The following CUX1 variants were observed in gnomAD, a reference collection of about 807,000 sequenced individuals.
CUX1 encodes the protein cut like homeobox 1.
Under a neutral mutation model 158.8 loss-of-function variants are expected in CUX1, and 31 were observed. The observed-to-expected ratio is 0.20, with a 90% CI of 0.15 to 0.26. The LOEUF (loss-of-function observed/expected upper bound fraction) is 0.26. CUX1 is among the 10% of genes least tolerant of loss of function. CUX1 has a pLI of 1.00. For synonymous variants in CUX1, 879 were observed against 862.1 expected (o/e 1.02, Z -0.34); for missense variants, 1,589 against 2,014.6 (o/e 0.79, Z 4.04).
chr7:102,123,477 C>T (rs1177382875), intron 8 of CUX1, among the ~76,000 whole-genome samples: 9 of 151,066 alleles, frequency 6.0e-5, no homozygotes, highest in African/African-American at 1.5e-4. Flanking sequence ...GGCGTGGTGG[C>T]GGGTGCCTAT....
chr7:101,974,784 T>C (rs527406842), intron 2 of CUX1, among the ~76,000 whole-genome samples: 2 of 152,268 alleles, frequency 1.3e-5, no homozygotes, highest in South Asian at 4.1e-4. Context: ...GTAGGAATTA[T>C]TTGTGCGTTG....
intron 8 of CUX1, among the ~76,000 whole-genome samples, chr7:102,138,440 C>T (rs748306453): frequency 1.3e-5 from 2 of 152,136 alleles, no homozygotes; most frequent in Non-Finnish European, 2.9e-5. Context: ...CTAATTGACC[C>T]TCTGAATGTC....
rs1416223025 is a variant in CUX1 at position 102,254,204 on chromosome 7, C to T, written c.*5162C>T. ...CAGGCAGGGCGTGGTCTCGGGGCTC[C>T]GAGGGTCTTGTCTTTGGTCCGCCTT... On this transcript the variant is annotated 3_prime_UTR_variant, in exon 24 of 24. Transcript: ENST00000292535. 8 of 985,506 alleles carry T rather than the reference C, an allele frequency of 8.1e-6. No homozygotes were observed. The highest frequency in any genetic ancestry group is 1.1e-4 in the East Asian group (1 of 8,826). 61.0% of individuals were successfully genotyped at this position (985,506 alleles called of 1,614,324 possible). A position where few individuals can be genotyped will look rare whatever the true frequency, so the allele number is the denominator to read the frequency against.
intron 1 of CUX1, among the ~76,000 whole-genome samples, chr7:101,861,174 C>T (rs994975721): frequency 2.6e-5 from 4 of 152,160 alleles, no homozygotes; most frequent in Non-Finnish European, 5.9e-5. Context: ...CCTGCTCCTT[C>T]GAACCCACAT....
intron 20 of CUX1, among the ~76,000 whole-genome samples, chr7:102,218,450 G>A (rs1477497592): frequency 6.6e-6 from 1 of 152,186 alleles, no homozygotes. Flanking sequence ...TTGGGAGGCC[G>A]AGGCAGGAGA....
At chr7:102,150,265 TC>T (rs1245054742) in intron 8 of CUX1, among the ~76,000 whole-genome samples, 2 of 152,052 alleles carry the variant, frequency 1.3e-5, no homozygotes, top group African/African-American at 4.8e-5. Flanking sequence ...AAGCGATTCT[TC>T]CGCCTCAGCC....
At chr7:102,091,836 A>G (rs1242471928) in intron 4 of CUX1, among the ~76,000 whole-genome samples, 2 of 149,614 alleles carry the variant, frequency 1.3e-5, no homozygotes, top group South Asian at 2.1e-4. Context: ...GCTCACTGCA[A>G]CCTCCACCTC....
intron 10 of CUX1, among the ~76,000 whole-genome samples, chr7:102,175,921 T>A (rs1792267532): frequency 6.6e-6 from 1 of 152,250 alleles, no homozygotes; most frequent in East Asian, 1.9e-4. Flanking sequence ...ACACTTATTC[T>A]CGATTTCTGT....
At chr7:101,948,401 T>C (rs1808641769) in intron 2 of CUX1, among the ~76,000 whole-genome samples, 1 of 151,908 alleles carries the variant, frequency 6.6e-6, no homozygotes, top group Admixed American at 6.6e-5. Context: ...CTAGATCCAC[T>C]TTAGGAATTG....
At chr7:101,906,799 A>C (rs1220349947) in intron 1 of CUX1, among the ~76,000 whole-genome samples, 1 of 151,528 alleles carries the variant, frequency 6.6e-6, no homozygotes, top group Non-Finnish European at 1.5e-5. Flanking sequence ...GGGGTGGTGG[A>C]GTGGGTGGGA....
chr7:102,031,259 A>G (rs543836460), intron 3 of CUX1, among the ~76,000 whole-genome samples: 1 of 152,188 alleles, frequency 6.6e-6, no homozygotes, highest in South Asian at 2.1e-4. Context: ...GGATTTCACC[A>G]TGTTGATCAG....
intron 2 of CUX1, among the ~76,000 whole-genome samples, chr7:101,922,948 A>G (rs1024147970): frequency 6.6e-6 from 1 of 152,384 alleles, no homozygotes; most frequent in Admixed American, 6.5e-5. Context: ...CTGAAAGCCT[A>G]GCTCTCGCAA....
At chr7:102,059,331 C>G (rs1285711637) in intron 3 of CUX1, among the ~76,000 whole-genome samples, 1 of 152,120 alleles carries the variant, frequency 6.6e-6, no homozygotes, top group Non-Finnish European at 1.5e-5. Flanking sequence ...TAGTTTTCCT[C>G]TTAGAAACTT....
Position 101,890,603 on chromosome 7 carries a change from G to C in CUX1, c.31-25512G>C, listed in dbSNP as rs146199988. Among the ~76,000 whole-genome samples, 882 of 152,134 alleles carry C rather than the reference G, an allele frequency of 5.8e-3. 4 individuals are homozygous for C. The highest frequency in any genetic ancestry group is 0.013 in the South Asian group (62 of 4,808). ...TTTAAGCTGCTGGTTTTGCGGGTCA[G>C]TACGGGGAAAAACGGTGAGTCCCTT... On this transcript the variant is annotated intron_variant, in intron 1 of 23. Coordinates refer to ENST00000292535, the MANE Select transcript of CUX1 (RefSeq NM_181552.4).
At chr7:102,174,170 A>G (rs1792038778) in intron 10 of CUX1, among the ~76,000 whole-genome samples, 1 of 152,094 alleles carries the variant, frequency 6.6e-6, no homozygotes. Context: ...CCCAGGGTGG[A>G]GTGCAGTGGC....
At chr7:102,095,254 G>A (rs1217456653) in intron 4 of CUX1, among the ~76,000 whole-genome samples, 8 of 152,160 alleles carry the variant, frequency 5.3e-5, no homozygotes, top group African/African-American at 1.9e-4. Flanking sequence ...AAGCAATCCG[G>A]CCACCCTCGG....
intron 1 of CUX1, among the ~76,000 whole-genome samples, chr7:101,905,609 C>T (rs1006307347): frequency 6.6e-6 from 1 of 152,208 alleles, no homozygotes; most frequent in African/African-American, 2.4e-5. Flanking sequence ...TACTGGGGAC[C>T]AAGATCCACC....
chr7:101,950,151 A>G (rs1808884143), intron 2 of CUX1, among the ~76,000 whole-genome samples: 1 of 152,142 alleles, frequency 6.6e-6, no homozygotes, highest in Non-Finnish European at 1.5e-5. Context: ...CTGGGATTAC[A>G]GGCACCCGCC....
chr7:101,842,834 A>T (rs1258545080), intron 1 of CUX1, among the ~76,000 whole-genome samples: 3 of 135,730 alleles, frequency 2.2e-5, no homozygotes, highest in African/African-American at 5.4e-5. Context: ...TATGTTTTTC[A>T]TGTTAAATTC....
Sources: gnomAD v4.1 joint callset for allele counts (sites outside exome capture counted in the v4.1 genomes callset) on GRCh38, gnomAD v4.1.1 for gene constraint, MANE v1.5 for transcripts, NCBI Gene and HGNC (gene_info 2026-07-23, HGNC 2026-07-21) for gene names.